The following ITPR2 variants were observed in gnomAD, a reference collection of about 807,000 sequenced individuals.
ITPR2 encodes the protein inositol 1,4,5-trisphosphate-gated calcium channel ITPR2.
In ITPR2, 207 loss-of-function variants were observed where a neutral mutation model predicts 317.1. The observed-to-expected ratio is 0.65, with a 90% CI of 0.58 to 0.73. ITPR2 has a LOEUF of 0.73. Ranked by LOEUF, ITPR2 falls within the 30% of genes least tolerant of loss-of-function variation. The probability of loss-of-function intolerance (pLI) is 0.00; values close to 1 mark genes in which losing one functional copy is unlikely to be tolerated. For missense variants in ITPR2, 2,613 were observed against 3,284.0 expected, an observed-to-expected ratio of 0.80 and a Z score of 4.99; for synonymous variants, 1,156 against 1,149.1, an observed-to-expected ratio of 1.01 and a Z score of -0.12.
chr12:26,636,058 C>G (rs1025211245), intron 21 of ITPR2, among the ~76,000 whole-genome samples: 1 of 152,200 alleles, frequency 6.6e-6, no homozygotes, highest in African/African-American at 2.4e-5. Flanking sequence ...TTTTGGAAAG[C>G]TGGATAGCTA....
At chr12:26,713,951 T>C (rs1162266315) in intron 8 of ITPR2, among the ~76,000 whole-genome samples, 2 of 152,212 alleles carry the variant, frequency 1.3e-5, no homozygotes, top group African/African-American at 4.8e-5. Flanking sequence ...GCTTTAGTCA[T>C]AGCTGTTTTC....
At chr12:26,771,152 T>C (rs1398131113) in intron 2 of ITPR2, among the ~76,000 whole-genome samples, 8 of 152,332 alleles carry the variant, frequency 5.3e-5, no homozygotes, top group African/African-American at 9.6e-5. Context: ...GTCACACTTA[T>C]AGTGCCCAGA....
intron 37 of ITPR2, among the ~76,000 whole-genome samples, chr12:26,519,225 A>G (rs927680749): frequency 6.6e-6 from 1 of 152,138 alleles, no homozygotes. Flanking sequence ...AATAAATAAA[A>G]CCTACAATAT....
chr12:26,457,916 T>G (rs796286734), intron 45 of ITPR2, among the ~76,000 whole-genome samples: 20 of 152,262 alleles, frequency 1.3e-4, no homozygotes, highest in African/African-American at 4.3e-4. Flanking sequence ...CGATACAAAG[T>G]AAGTACGTAT....
intron 11 of ITPR2, among the ~76,000 whole-genome samples, chr12:26,685,853 G>A (rs2136969120): frequency 6.6e-6 from 1 of 152,086 alleles, no homozygotes; most frequent in East Asian, 1.9e-4. Context: ...CATTCAGATC[G>A]TTATTCAAAT....
intron 53 of ITPR2, among the ~76,000 whole-genome samples, chr12:26,399,598 A>C (rs1477296116): frequency 6.6e-6 from 1 of 152,218 alleles, no homozygotes; most frequent in Non-Finnish European, 1.5e-5. Flanking sequence ...TGACAATATG[A>C]TACAACTGGC....
At chr12:26,736,668 C>T (rs1949123340) in intron 2 of ITPR2, among the ~76,000 whole-genome samples, 1 of 152,104 alleles carries the variant, frequency 6.6e-6, no homozygotes, top group Non-Finnish European at 1.5e-5. Context: ...CAAGAATGTC[C>T]TGGTTTGGGT....
chr12:26,360,417 A>T (rs1261070902), intron 55 of ITPR2, among the ~76,000 whole-genome samples: 1 of 152,168 alleles, frequency 6.6e-6, no homozygotes, highest in Non-Finnish European at 1.5e-5. Flanking sequence ...CCCTGGTCCC[A>T]AAGCCCATGG....
At chr12:26,511,570 A>T (rs1943347717) in intron 37 of ITPR2, among the ~76,000 whole-genome samples, 1 of 152,090 alleles carries the variant, frequency 6.6e-6, no homozygotes, top group African/African-American at 2.4e-5. Context: ...TCTATTTCCA[A>T]ATACCTCTGC....
intron 39 of ITPR2, 129 bp from the exon 40 acceptor site, chr12:26,487,380 A>C (rs1466058409): frequency 1.6e-6 from 1 of 617,604 alleles, no homozygotes; most frequent in Non-Finnish European, 2.7e-6. Context: ...TATTTCATAA[A>C]TTGACAGCCT....
At chr12:26,589,282 A>T (rs1349251963) in intron 32 of ITPR2, among the ~76,000 whole-genome samples, 3 of 152,116 alleles carry the variant, frequency 2.0e-5, no homozygotes, top group Non-Finnish European at 4.4e-5. Flanking sequence ...TTTGGGAAAG[A>T]TTTTCTTGTA....
rs1943506447 is a variant in ITPR2 at position 26,516,291 on chromosome 12, GGAAA to G, written c.5074-21035_5074-21032del. Among the ~76,000 whole-genome samples, 103 of 73,568 alleles carry G rather than the reference GGAAA, an allele frequency of 1.4e-3. 6 individuals carry two copies. Among genetic ancestry groups the G allele is most frequent in the South Asian group, 4.3e-3 (7 of 1,636 alleles). 48.3% of individuals were successfully genotyped at this position (73,568 alleles called of 152,430 possible). On this transcript the variant is annotated intron_variant, in intron 37 of 56. Coordinates refer to ENST00000381340, the MANE Select transcript of ITPR2 (RefSeq NM_002223.4). ...GGAAAGGAAGGGAAGGGAAGGGAAAGGAAAGGAAAGGAAAGGAAAGGAAAGGAAA... is the reference window on the plus strand; with the variant it reads ...GGAAAGGAAGGGAAGGGAAGGGAAAGGGAAAGGAAAGGAAAGGAAAGGAAA...
intron 2 of ITPR2, among the ~76,000 whole-genome samples, chr12:26,773,178 C>A (rs12366679): frequency 3.9e-5 from 6 of 152,182 alleles, no homozygotes; most frequent in Non-Finnish European, 7.3e-5. Context: ...TGCTGCTTCT[C>A]TAAAGTGTGG....
intron 20 of ITPR2, 64 bp from the exon 21 acceptor site, chr12:26,654,190 G>T: frequency 1.5e-6 from 2 of 1,308,928 alleles, no homozygotes; most frequent in Non-Finnish European, 2.1e-6. Flanking sequence ...ATTGGGTACT[G>T]AAATAAACAT....
chr12:26,513,971 C>T (rs1943427123), intron 37 of ITPR2, among the ~76,000 whole-genome samples: 1 of 152,186 alleles, frequency 6.6e-6, no homozygotes, highest in Non-Finnish European at 1.5e-5. Flanking sequence ...GTTTGAACTT[C>T]TGAAAATATT....
intron 34 of ITPR2, among the ~76,000 whole-genome samples, chr12:26,566,557 G>A (rs1024033530): frequency 1.3e-5 from 2 of 150,718 alleles, no homozygotes; most frequent in African/African-American, 2.4e-5. Context: ...AGGATAAGGA[G>A]GAGAGGAGAG....
intron 1 of ITPR2, among the ~76,000 whole-genome samples, chr12:26,793,971 A>G (rs1950386154): frequency 6.6e-6 from 1 of 152,204 alleles, no homozygotes; most frequent in Admixed American, 6.5e-5. Flanking sequence ...AGAACTAACT[A>G]GTGAGTAAGC....
At chr12:26,493,760 A>T (rs887925852) in intron 39 of ITPR2, among the ~76,000 whole-genome samples, 3 of 152,002 alleles carry the variant, frequency 2.0e-5, no homozygotes, top group African/African-American at 7.3e-5. Flanking sequence ...ATCTGGGAAC[A>T]CTCCCCAGCA....
Position 26,509,245 on chromosome 12 carries a change from G to T in ITPR2, c.5074-13985C>A, listed in dbSNP as rs145001638. On this transcript the variant is annotated intron_variant, in intron 37 of 56. Coordinates refer to ENST00000381340, the MANE Select transcript of ITPR2 (RefSeq NM_002223.4). ...GATAGCCAAGGGCTGGGGCTGGGAAGAATGAAGAGTGACTGCTAAGAGGCA... is the reference window on the plus strand; with the variant it reads ...GATAGCCAAGGGCTGGGGCTGGGAATAATGAAGAGTGACTGCTAAGAGGCA... Among the ~76,000 whole-genome samples, 68 of 152,320 alleles carry T rather than the reference G, an allele frequency of 4.5e-4. 1 individual carries two copies. The East Asian group carries it at 6.9e-3, about 16-fold the overall frequency.
Sources: gnomAD v4.1 joint callset for allele counts (sites outside exome capture counted in the v4.1 genomes callset) on GRCh38, gnomAD v4.1.1 for gene constraint, MANE v1.5 for transcripts, NCBI Gene and HGNC (gene_info 2026-07-23, HGNC 2026-07-21) for gene names.